Variants in STK32A observed in about 807,000 individuals in gnomAD.
STK32A encodes serine/threonine-protein kinase 32A.
A neutral mutation model predicts 53.2 loss-of-function variants in STK32A; 41 were observed. That is an observed-to-expected ratio of 0.77 (90% CI 0.60 to 1.00). The LOEUF (loss-of-function observed/expected upper bound fraction) is 1.00. Ranked by LOEUF, STK32A falls within the 50% of genes least tolerant of loss-of-function variation. The pLI is 0.00. For synonymous variants in STK32A, 166 were observed against 162.8 expected, an observed-to-expected ratio of 1.02 and a Z score of -0.15; for missense variants, 458 against 485.8, an observed-to-expected ratio of 0.94 and a Z score of 0.54.
intron 4 of STK32A, among the ~76,000 whole-genome samples, chr5:147,319,788 G>A (rs1267914367): frequency 6.6e-6 from 1 of 152,132 alleles, no homozygotes; most frequent in African/African-American, 2.4e-5. Flanking sequence ...CCTGTTCAGG[G>A]TCAGAAAAAC....
At chr5:147,257,641 C>T (rs11167983) in intron 2 of STK32A, among the ~76,000 whole-genome samples, 46,444 of 151,774 alleles carry the variant, frequency 0.31, 7,348 homozygotes, top group African/African-American at 0.38. Context: ...ATGAGTCCAT[C>T]CCTTTTTCAC....
At chr5:147,238,931 A>G (rs1200372106) in intron 1 of STK32A, among the ~76,000 whole-genome samples, 1 of 152,120 alleles carries the variant, frequency 6.6e-6, no homozygotes, top group African/African-American at 2.4e-5. Flanking sequence ...AGAGTTATAT[A>G]TGTGTGTATT....
At chr5:147,378,081 ATT>A (rs1043467167) in intron 11 of STK32A, among the ~76,000 whole-genome samples, 3 of 152,262 alleles carry the variant, frequency 2.0e-5, no homozygotes, top group Admixed American at 1.3e-4. Flanking sequence ...ACCTTATTAT[ATT>A]ATTAACATGC....
In STK32A at chr5:147,355,792, G is replaced by GTGTATATATA. The variant is rs984298293; in HGVS notation, c.562+4639_562+4640insGTATATATAT. ...TATGTATGTGTGTGAGTGTGTGTGT[G>GTGTATATATA]TATATATATATATATATATAAATAA... On this transcript the variant is annotated intron_variant, in intron 7 of 12. Transcript: ENST00000397936. Among the ~76,000 whole-genome samples the GTGTATATATA allele has an allele frequency of 2.0e-5, 3 of 147,848 alleles. No homozygotes were observed. In the East Asian group the frequency reaches 5.9e-4, roughly 29 times the overall value.
chr5:147,399,160 T>C, the STK32A span: 1 of 1,614,250 alleles, frequency 6.2e-7, no homozygotes, highest in Non-Finnish European at 8.5e-7. Flanking sequence ...AACCCACAGA[T>C]ATTCTTCCCT....
At chr5:147,303,773 G>T (rs1340390322) in intron 4 of STK32A, among the ~76,000 whole-genome samples, 1 of 152,220 alleles carries the variant, frequency 6.6e-6, no homozygotes, top group Non-Finnish European at 1.5e-5. Context: ...CAAGGAAGAA[G>T]TTGTTTTGGC....
At chr5:147,342,953 A>G in intron 5 of STK32A, 53 bp from the exon 6 acceptor site, 1 of 1,584,430 alleles carries the variant, frequency 6.3e-7, no homozygotes, top group Non-Finnish European at 8.7e-7. Flanking sequence ...CCTACCCCTT[A>G]GTTCTGTTCG....
chr5:147,250,912 A>C (rs999464348), intron 2 of STK32A, among the ~76,000 whole-genome samples: 2 of 143,966 alleles, frequency 1.4e-5, no homozygotes, highest in Admixed American at 1.5e-4. Context: ...ACTGCACTCC[A>C]GCCTGGGCAA....
intron 2 of STK32A, among the ~76,000 whole-genome samples, chr5:147,261,602 A>C (rs1216023277): frequency 6.6e-6 from 1 of 152,206 alleles, no homozygotes; most frequent in Non-Finnish European, 1.5e-5. Context: ...TAAATTTAAA[A>C]GTAGAAGGCA....
intron 2 of STK32A, 139 bp downstream of exon 2, chr5:147,239,825 A>T: frequency 1.6e-6 from 1 of 639,542 alleles, no homozygotes; most frequent in Non-Finnish European, 2.7e-6. Context: ...AGTGAGTCTG[A>T]GGACTTTGTA....
chr5:147,398,628 G>A, the STK32A span, among the ~76,000 whole-genome samples: 1 of 152,144 alleles, frequency 6.6e-6, no homozygotes, highest in Non-Finnish European at 1.5e-5. Context: ...AGTCATCACT[G>A]CTGTTTACCA....
At chr5:147,340,540 A>C (rs12521663) in intron 5 of STK32A, among the ~76,000 whole-genome samples, 6 of 152,210 alleles carry the variant, frequency 3.9e-5, no homozygotes, top group Admixed American at 3.9e-4. Flanking sequence ...GAGCACACTA[A>C]GTTTCTTTTC....
At chr5:147,400,664 C>T in the STK32A span, 1 of 1,608,394 alleles carries the variant, frequency 6.2e-7, no homozygotes, top group Middle Eastern at 1.7e-4. Context: ...TTGGCTCTGG[C>T]CACCCTCCCA....
At chr5:147,279,204 A>G (rs751538260) in intron 3 of STK32A, 43 bp from the exon 4 acceptor site, 3 of 1,567,066 alleles carry the variant, frequency 1.9e-6, no homozygotes, top group Non-Finnish European at 2.6e-6. Flanking sequence ...ACCATGATCC[A>G]TTATCTCCCT....
At chr5:147,274,989 C>A (rs945120865) in intron 2 of STK32A, among the ~76,000 whole-genome samples, 1 of 152,084 alleles carries the variant, frequency 6.6e-6, no homozygotes, top group South Asian at 2.1e-4. Context: ...TAATCCTATA[C>A]AAATTCAAAA....
intron 4 of STK32A, among the ~76,000 whole-genome samples, chr5:147,317,097 A>G (rs972440532): frequency 2.0e-5 from 3 of 150,650 alleles, no homozygotes; most frequent in African/African-American, 4.9e-5. Flanking sequence ...TATTAATTGT[A>G]TAACTCCTGA....
chr5:147,239,566 T>C lies in STK32A; in HGVS notation c.-69T>C. 1.6e-6 allele frequency: 2 copies of C among 1,263,200 alleles called. No homozygotes were observed. Among genetic ancestry groups the C allele is most frequent in the South Asian group, 1.3e-5 (1 of 75,394 alleles). 78.2% of individuals were successfully genotyped at this position (1,263,200 alleles called of 1,614,324 possible). A position where few individuals can be genotyped will look rare whatever the true frequency, so the allele number is the denominator to read the frequency against. ...ATCCAACTAAGGCTTCGGGACATGT[T>C]TTGAGCGAAGATGGGTGTTTCTGCC... On this transcript the variant is annotated 5_prime_UTR_variant, in exon 2 of 13. Transcript: ENST00000397936.
At chr5:147,239,428 A>G in intron 1 of STK32A, 111 bp from the exon 2 acceptor site, 1 of 447,554 alleles carries the variant, frequency 2.2e-6, no homozygotes. Context: ...TTCAAACACA[A>G]AAGTTTTCAC....
At chr5:147,260,538 C>T (rs2151946662) in intron 2 of STK32A, among the ~76,000 whole-genome samples, 1 of 151,992 alleles carries the variant, frequency 6.6e-6, no homozygotes, top group Middle Eastern at 3.4e-3. Flanking sequence ...AGGGATGTCT[C>T]GCCTTGCCTG....
Sources: allele counts gnomAD v4.1 joint callset (sites outside exome capture counted in the v4.1 genomes callset), GRCh38; gene constraint gnomAD v4.1.1; transcripts MANE v1.5; gene names NCBI Gene and HGNC (gene_info 2026-07-23, HGNC 2026-07-21).